MCTP1: variants seen among roughly 807,000 people sequenced by gnomAD.
MCTP1 encodes the protein multiple C2 and transmembrane domain-containing protein 1.
MCTP1 carries 69 observed loss-of-function variants against 120.6 expected under a neutral mutation model. The ratio of observed to expected loss-of-function variants is 0.57; its 90% CI spans 0.47 to 0.70. MCTP1 has a LOEUF of 0.70. Ranked by LOEUF, MCTP1 falls within the 30% of genes least tolerant of loss-of-function variation. The probability of loss-of-function intolerance (pLI) is 0.00; values close to 1 mark genes in which losing one functional copy is unlikely to be tolerated. For synonymous variants in MCTP1, 529 were observed against 493.1 expected, an observed-to-expected ratio of 1.07 and a Z score of -0.96; for missense variants, 1,203 against 1,248.8, an observed-to-expected ratio of 0.96 and a Z score of 0.55.
intron 4 of MCTP1, among the ~76,000 whole-genome samples, chr5:94,941,509 A>T (rs1043155762): frequency 1.3e-5 from 2 of 152,042 alleles, no homozygotes; most frequent in Non-Finnish European, 2.9e-5. Flanking sequence ...ATTTACAGAA[A>T]TAGAAAGTAG....
intron 12 of MCTP1, among the ~76,000 whole-genome samples, chr5:94,888,354 CA>C (rs1190001875): frequency 1.3e-5 from 2 of 152,244 alleles, no homozygotes; most frequent in African/African-American, 4.8e-5. Context: ...AAATTTCAAA[CA>C]ATCTAGAGAC....
At chr5:94,913,575 A>G (rs558980833) in intron 8 of MCTP1, among the ~76,000 whole-genome samples, 40 of 152,342 alleles carry the variant, frequency 2.6e-4, no homozygotes, top group Non-Finnish European at 4.4e-4. Flanking sequence ...TGTCTTGCTT[A>G]TACCTAAAAC....
At chr5:95,121,614 TCAA>T (rs1263543668) in intron 1 of MCTP1, among the ~76,000 whole-genome samples, 1 of 151,280 alleles carries the variant, frequency 6.6e-6, no homozygotes, top group Non-Finnish European at 1.5e-5. Context: ...TATCAAAATA[TCAA>T]CGACATTCTT....
intron 1 of MCTP1, among the ~76,000 whole-genome samples, chr5:95,214,112 T>A (rs577923253): frequency 6.6e-6 from 1 of 152,384 alleles, no homozygotes; most frequent in East Asian, 1.9e-4. Flanking sequence ...GGCAACCTAC[T>A]CATTTGACAA....
At chr5:94,745,860 T>A (rs1311428096) in intron 19 of MCTP1, among the ~76,000 whole-genome samples, 2 of 152,210 alleles carry the variant, frequency 1.3e-5, no homozygotes, top group Admixed American at 6.5e-5. Context: ...ATTGATATTG[T>A]ACCAGATGTT....
At chr5:95,173,113 C>G in intron 1 of MCTP1, among the ~76,000 whole-genome samples, 1 of 151,988 alleles carries the variant, frequency 6.6e-6, no homozygotes, top group East Asian at 1.9e-4. Flanking sequence ...GTATGGAGAT[C>G]GAAGACTCAC....
At chr5:94,739,190 C>T (rs1261077651) in intron 19 of MCTP1, 1 of 152,214 alleles carries the variant, frequency 6.6e-6, no homozygotes, top group Non-Finnish European at 1.5e-5. Flanking sequence ...GAATACCATT[C>T]AAGAGGTCAC....
chr5:95,274,388 A>G (rs1259195635), intron 1 of MCTP1, among the ~76,000 whole-genome samples: 1 of 152,086 alleles, frequency 6.6e-6, no homozygotes, highest in Non-Finnish European at 1.5e-5. Flanking sequence ...TCTGCAATGG[A>G]AAAGGGGTGC....
chr5:95,188,423 T>C lies in MCTP1; in HGVS notation c.720+95433A>G, dbSNP rs529972286. Among the ~76,000 whole-genome samples the C allele has an allele frequency of 2.0e-5, 3 of 152,262 alleles. No individual in the cohort carries two copies. The East Asian group carries it at 5.8e-4, about 29-fold the overall frequency. ...CTCTTGGGCATTTATACCAGAGCAA[T>C]GAAAACTTATCTTTACACAAAAACA... On this transcript the variant is annotated intron_variant, in intron 1 of 22. Coordinates refer to ENST00000515393, the MANE Select transcript of MCTP1 (RefSeq NM_024717.7).
At chr5:95,224,941 A>G (rs971636019) in intron 1 of MCTP1, among the ~76,000 whole-genome samples, 15 of 152,242 alleles carry the variant, frequency 9.9e-5, no homozygotes, top group Non-Finnish European at 1.5e-4. Context: ...CCTCTCTGCC[A>G]TGTATAAATG....
At chr5:95,130,906 A>G (rs909259663) in intron 1 of MCTP1, among the ~76,000 whole-genome samples, 6 of 152,224 alleles carry the variant, frequency 3.9e-5, no homozygotes, top group African/African-American at 1.2e-4. Flanking sequence ...TTAGAATTTC[A>G]GGGTAAGAAT....
rs181094155 is a variant in MCTP1 at position 95,134,924 on chromosome 5, T to C, written c.721-117440A>G. Among the ~76,000 whole-genome samples, 13 of 132,684 alleles carry C rather than the reference T, an allele frequency of 9.8e-5. No individual in the cohort carries two copies. In the South Asian group the frequency reaches 1.2e-3, roughly 12 times the overall value. The allele number at this position is 132,684 out of a possible 152,430, so 87.0% of individuals were successfully genotyped here. A position where few individuals can be genotyped will look rare whatever the true frequency, so the allele number is the denominator to read the frequency against. On this transcript the variant is annotated intron_variant, in intron 1 of 22. Coordinates refer to ENST00000515393, the MANE Select transcript of MCTP1 (RefSeq NM_024717.7). ...ATAATAGGCAGTCTCTGGAAAGCAA[T>C]TGTGGTTTAATACAACCTCTAAGTT...
chr5:94,811,383 G>A (rs1272858426), intron 17 of MCTP1, among the ~76,000 whole-genome samples: 3 of 152,118 alleles, frequency 2.0e-5, no homozygotes, highest in African/African-American at 7.2e-5. Context: ...AATGGTAACA[G>A]AAGTTATCAG....
At chr5:94,900,239 A>G (rs1002253317) in intron 10 of MCTP1, among the ~76,000 whole-genome samples, 16 of 152,202 alleles carry the variant, frequency 1.1e-4, no homozygotes, top group Non-Finnish European at 4.4e-5. Flanking sequence ...TCATTTTTGC[A>G]TGGCTAATTT....
rs1263752354 is a variant in MCTP1 at position 94,894,704 on chromosome 5, A to G, written c.1784T>C (p.Leu595Pro). 1.2e-6 allele frequency: 2 copies of G among 1,613,074 alleles called. No individual in the cohort carries two copies. Among genetic ancestry groups the G allele is most frequent in the Non-Finnish European group, 8.5e-7 (1 of 1,179,176 alleles). The change falls in exon 11 of 23, where the codon CTG (leucine) becomes CCG (proline). Residue 595 changes from leucine to proline, a missense_variant. Coordinates refer to ENST00000515393, the MANE Select transcript of MCTP1 (RefSeq NM_024717.7). ...CTGGTCCTCCAGGGAGTTGACAGAC[A>G]GGTCAGAGATGCTGACTGTGGCTGA... ...TASATVSISD[L>P]SVNSLEDQKE...
At position 94,710,835 on chromosome 5, in the gene MCTP1, T is replaced by C. The variant is rs1448005246; in HGVS notation, c.2813A>G (p.Tyr938Cys). The change falls in exon 21 of 23, where the codon TAC (tyrosine) becomes TGC (cysteine). Residue 938 changes from tyrosine to cysteine, a missense_variant. Transcript: ENST00000515393. ...TTACTTACCCCAGACAAGGACAATG[T>C]ATCTCAGCGGAATGCAGTACAGGAT... Reference protein sequence around the residue: ...TAILYCIPLRYIVLVWGINKF... With the variant: ...TAILYCIPLRCIVLVWGINKF... The C allele has an allele frequency of 1.2e-6, 2 of 1,611,946 alleles. No individual in the cohort carries two copies. Among genetic ancestry groups the C allele is most frequent in the Admixed American group, 3.3e-5 (2 of 59,802 alleles).
At chr5:94,814,400 T>C (rs548676023) in intron 17 of MCTP1, among the ~76,000 whole-genome samples, 1 of 152,158 alleles carries the variant, frequency 6.6e-6, no homozygotes, top group African/African-American at 2.4e-5. Context: ...ACTATCCACA[T>C]GATGATTCTT....
chr5:94,777,927 C>T lies in MCTP1; in HGVS notation c.2610+1183G>A, dbSNP rs960728340. On this transcript the variant is annotated intron_variant, in intron 19 of 22. Transcript: ENST00000515393. ...ATAGCGTTAGAAGGGAGAAAGTGTG[C>T]GTGTGTGTGTGTGTGTGTGTGTGTG... Among the ~76,000 whole-genome samples, 124 of 148,956 alleles carry T rather than the reference C, an allele frequency of 8.3e-4. 1 individual carries two copies. The highest frequency in any genetic ancestry group is 2.9e-3 in the African/African-American group (117 of 40,250).
intron 1 of MCTP1, among the ~76,000 whole-genome samples, chr5:95,253,156 T>C (rs1308571942): frequency 1.3e-5 from 2 of 152,190 alleles, no homozygotes; most frequent in Non-Finnish European, 1.5e-5. Context: ...ACATGGCCAC[T>C]AGCAGAATAT....
Sources: gnomAD v4.1 joint callset for allele counts (sites outside exome capture counted in the v4.1 genomes callset) on GRCh38, gnomAD v4.1.1 for gene constraint, MANE v1.5 for transcripts, NCBI Gene and HGNC (gene_info 2026-07-23, HGNC 2026-07-21) for gene names.